Variants in FERRY3 observed in about 807,000 individuals in gnomAD.
The protein encoded by FERRY3 is protein C12orf4.
chr12:4,510,672 A>C, the FERRY3 span, among the ~76,000 whole-genome samples: 2 of 150,996 alleles, frequency 1.3e-5, no homozygotes, highest in African/African-American at 4.9e-5. Context: ...GAGAAATAAA[A>C]TACTTTACAG....
the FERRY3 span, among the ~76,000 whole-genome samples, chr12:4,514,069 C>CA: frequency 6.6e-6 from 1 of 150,878 alleles, no homozygotes; most frequent in African/African-American, 2.4e-5. Context: ...ACAACCCCAT[C>CA]AAAAAGTGGG....
chr12:4,505,454 G>C, the FERRY3 span: 5 of 1,044,878 alleles, frequency 4.8e-6, no homozygotes, highest in African/African-American at 8.0e-5. Flanking sequence ...GCTCCCAAAA[G>C]AATCACAACA....
At chr12:4,526,249 G>A in the FERRY3 span, among the ~76,000 whole-genome samples, 4 of 152,138 alleles carry the variant, frequency 2.6e-5, no homozygotes, top group Non-Finnish European at 5.9e-5. Context: ...GCATGAAAGA[G>A]GACTCTGTAA....
chr12:4,517,673 T>C, the FERRY3 span, among the ~76,000 whole-genome samples: 1 of 144,040 alleles, frequency 6.9e-6, no homozygotes, highest in Non-Finnish European at 1.5e-5. Flanking sequence ...ATTTAAGAGG[T>C]AGGTTATTAA....
the FERRY3 span, among the ~76,000 whole-genome samples, chr12:4,514,013 T>C: frequency 6.7e-6 from 1 of 150,032 alleles, no homozygotes; most frequent in Non-Finnish European, 1.5e-5. Context: ...AGGGCTAATA[T>C]CCAGAATCTA....
chr12:4,509,590 C>T, the FERRY3 span, among the ~76,000 whole-genome samples: 182 of 146,456 alleles, frequency 1.2e-3, 6 homozygotes, highest in African/African-American at 4.7e-3. Context: ...GTCCCTGACC[C>T]CTGACCCCCG....
chr12:4,531,729 T>C, the FERRY3 span, among the ~76,000 whole-genome samples: 1 of 152,242 alleles, frequency 6.6e-6, no homozygotes, highest in African/African-American at 2.4e-5. Context: ...TTATCTTTCA[T>C]GGCCATCATT....
At chr12:4,531,760 G>T in the FERRY3 span, among the ~76,000 whole-genome samples, 1 of 152,162 alleles carries the variant, frequency 6.6e-6, no homozygotes, top group Non-Finnish European at 1.5e-5. Flanking sequence ...CTACCTGTCT[G>T]TCACTCACCC....
the FERRY3 span, among the ~76,000 whole-genome samples, chr12:4,528,933 AC>A: frequency 1.8e-4 from 26 of 147,328 alleles, no homozygotes; most frequent in African/African-American, 6.7e-4. Context: ...ACACACACAC[AC>A]ACACAAACAA....
At chr12:4,503,867 TA>T in the FERRY3 span, among the ~76,000 whole-genome samples, 1 of 151,348 alleles carries the variant, frequency 6.6e-6, no homozygotes, top group Non-Finnish European at 1.5e-5. Context: ...GAGTTATGTT[TA>T]AAAAAAAACA....
chr12:4,517,718 G>T, the FERRY3 span, among the ~76,000 whole-genome samples: 12 of 148,590 alleles, frequency 8.1e-5, no homozygotes, highest in African/African-American at 2.7e-4. Flanking sequence ...GACAGAGAGA[G>T]AGAGAGAGAG....
the FERRY3 span, among the ~76,000 whole-genome samples, chr12:4,498,862 T>G: frequency 6.6e-6 from 1 of 152,190 alleles, no homozygotes; most frequent in Non-Finnish European, 1.5e-5. Flanking sequence ...ACAATAGGGT[T>G]CACGCTCCTA....
chr12:4,518,829 A>G, the FERRY3 span: 1 of 1,595,520 alleles, frequency 6.3e-7, no homozygotes, highest in South Asian at 1.1e-5. Context: ...AAATCCTTCC[A>G]ATTGCTTCTA....
the FERRY3 span, chr12:4,490,554 T>C: frequency 6.2e-7 from 1 of 1,610,234 alleles, no homozygotes; most frequent in Non-Finnish European, 8.5e-7. Flanking sequence ...GTCCTAGAAA[T>C]TCCTCCATCC....
At chr12:4,522,304 A>G in the FERRY3 span, among the ~76,000 whole-genome samples, 4 of 152,220 alleles carry the variant, frequency 2.6e-5, no homozygotes, top group African/African-American at 7.2e-5. Context: ...AAATGAAACG[A>G]CAAGCCACAG....
the FERRY3 span, among the ~76,000 whole-genome samples, chr12:4,530,916 TAAAAC>T: frequency 2.6e-5 from 4 of 151,804 alleles, no homozygotes; most frequent in African/African-American, 7.3e-5. Flanking sequence ...TAAGTGGAAA[TAAAAC>T]AAAGATTTTG....
chr12:4,525,137 T>C, the FERRY3 span: 2 of 1,309,712 alleles, frequency 1.5e-6, no homozygotes, highest in Non-Finnish European at 2.1e-6. Context: ...TAAAATTGTC[T>C]TGAACTTTCA....
the FERRY3 span, among the ~76,000 whole-genome samples, chr12:4,506,676 T>A: frequency 6.6e-6 from 1 of 152,306 alleles, no homozygotes; most frequent in East Asian, 1.9e-4. Flanking sequence ...CATGTTTTCA[T>A]GGCAATACCT....
the FERRY3 span, among the ~76,000 whole-genome samples, chr12:4,536,693 A>T: frequency 1.3e-5 from 2 of 152,162 alleles, no homozygotes; most frequent in Non-Finnish European, 2.9e-5. Flanking sequence ...TGTTAGAAAG[A>T]TTTCCATGTG....
Sources: allele counts gnomAD v4.1 joint callset (sites outside exome capture counted in the v4.1 genomes callset), GRCh38; gene constraint gnomAD v4.1.1; transcripts MANE v1.5; gene names NCBI Gene and HGNC (gene_info 2026-07-23, HGNC 2026-07-21).